CPS1: variants seen among roughly 807,000 people sequenced by gnomAD.
CPS1 encodes the protein carbamoyl-phosphate synthase 1.
A neutral mutation model predicts 174.6 loss-of-function variants in CPS1; 109 were observed. The observed-to-expected ratio is 0.62, with a 90% CI of 0.53 to 0.73. CPS1 has a LOEUF of 0.73. Among genes scored for constraint, CPS1 ranks in the 30% least tolerant of loss-of-function variants. The pLI, the probability that CPS1 is intolerant of heterozygous loss-of-function variation, is 0.00. For synonymous variants in CPS1, 637 were observed against 632.0 expected, an observed-to-expected ratio of 1.01 and a Z score of -0.12; for missense variants, 1,689 against 1,821.9, an observed-to-expected ratio of 0.93 and a Z score of 1.33.
chr2:210,531,462 G>A (rs1439287290), intron 1 of CPS1, among the ~76,000 whole-genome samples: 1 of 152,010 alleles, frequency 6.6e-6, no homozygotes, highest in East Asian at 1.9e-4. Context: ...AATCAATTGG[G>A]AACATTTTAA....
At chr2:210,602,464 A>G in intron 16 of CPS1, 134 bp downstream of exon 16, 2 of 1,145,036 alleles carry the variant, frequency 1.7e-6, no homozygotes, top group South Asian at 1.3e-5. Flanking sequence ...CCAAAAGCGT[A>G]TTCCAAAAGA....
chr2:210,520,994 G>A (rs538881893), intron 1 of CPS1, among the ~76,000 whole-genome samples: 56 of 152,136 alleles, frequency 3.7e-4, no homozygotes, highest in Middle Eastern at 3.4e-3. Context: ...TGCGGTGAGT[G>A]TATGTTAGGC....
chr2:210,513,765 G>T (rs1435381135), intron 1 of CPS1, among the ~76,000 whole-genome samples: 4 of 151,880 alleles, frequency 2.6e-5, no homozygotes, highest in Non-Finnish European at 4.4e-5. Flanking sequence ...CTTTCCCAAG[G>T]CCAATGTCCA....
intron 21 of CPS1, among the ~76,000 whole-genome samples, chr2:210,632,297 A>T (rs563721332): frequency 6.6e-6 from 1 of 152,252 alleles, no homozygotes; most frequent in Admixed American, 6.5e-5. Flanking sequence ...GAGTCTCCAC[A>T]TTGTTAAATG....
chr2:210,492,270 G>T (rs922108479), intron 1 of CPS1, among the ~76,000 whole-genome samples: 1 of 152,168 alleles, frequency 6.6e-6, no homozygotes, highest in East Asian at 1.9e-4. Flanking sequence ...TCTGCTTTAT[G>T]TACATATGAA....
At chr2:210,633,482 C>T (rs1699935168) in intron 21 of CPS1, among the ~76,000 whole-genome samples, 1 of 152,094 alleles carries the variant, frequency 6.6e-6, no homozygotes, top group Non-Finnish European at 1.5e-5. Flanking sequence ...TACATACATT[C>T]TGTTAGACTC....
Position 210,610,913 on chromosome 2 carries a change from G to A in CPS1, c.2392-1204G>A, listed in dbSNP as rs147454471. Among the ~76,000 whole-genome samples, 335 of 151,564 alleles carry A rather than the reference G, an allele frequency of 2.2e-3. 3 individuals carry two copies. In the Middle Eastern group the frequency reaches 0.058, roughly 26 times the overall value. On this transcript the variant is annotated intron_variant, in intron 19 of 37. Transcript: ENST00000233072. ...TAAGAATAATAAAAATATATGGAGA[G>A]TTACTTATAGAACTAATTTCAGATA...
intron 1 of CPS1, among the ~76,000 whole-genome samples, chr2:210,533,352 T>C (rs896270070): frequency 1.3e-5 from 2 of 152,204 alleles, no homozygotes; most frequent in African/African-American, 4.8e-5. Context: ...TGACACTATA[T>C]GCTAGACACC....
intron 1 of CPS1, among the ~76,000 whole-genome samples, chr2:210,520,233 A>T (rs567556478): frequency 2.6e-4 from 40 of 152,042 alleles, no homozygotes; most frequent in Non-Finnish European, 5.6e-4. Flanking sequence ...GCACTTTTGC[A>T]TATGTATACA....
chr2:210,578,618 T>C (rs1369583476), intron 4 of CPS1, among the ~76,000 whole-genome samples: 2 of 152,088 alleles, frequency 1.3e-5, no homozygotes, highest in Non-Finnish European at 2.9e-5. Context: ...GGGCTAAACA[T>C]TGCTGCTTTC....
chr2:210,554,007 A>C (rs1170924265), upstream of CPS1, among the ~76,000 whole-genome samples: 1 of 150,986 alleles, frequency 6.6e-6, no homozygotes, highest in Non-Finnish European at 1.5e-5. Flanking sequence ...CAAATTTTCC[A>C]AAATTTCTGC....
intron 1 of CPS1, among the ~76,000 whole-genome samples, chr2:210,520,898 G>C (rs1695806094): frequency 6.6e-6 from 1 of 151,958 alleles, no homozygotes; most frequent in Admixed American, 6.6e-5. Flanking sequence ...ACAAAATAAA[G>C]CTGCTAAGAG....
intron 28 of CPS1, among the ~76,000 whole-genome samples, chr2:210,652,356 C>T (rs1447341725): frequency 6.6e-6 from 1 of 152,184 alleles, no homozygotes; most frequent in East Asian, 1.9e-4. Flanking sequence ...CTGTAGTACA[C>T]AGAGTGAATT....
chr2:210,622,675 G>A (rs775047694), intron 21 of CPS1, among the ~76,000 whole-genome samples: 2 of 149,244 alleles, frequency 1.3e-5, no homozygotes. Context: ...TTGTGAGAAA[G>A]AACTATTTCA....
At chr2:210,513,930 T>A (rs186544308) in intron 1 of CPS1, among the ~76,000 whole-genome samples, 8 of 152,198 alleles carry the variant, frequency 5.3e-5, no homozygotes, top group Non-Finnish European at 1.0e-4. Flanking sequence ...CCAGGACAAT[T>A]TATTGAATAG....
At chr2:210,552,927 G>A (rs953764448), upstream of CPS1, among the ~76,000 whole-genome samples, 24 of 151,880 alleles carry the variant, frequency 1.6e-4, no homozygotes, top group Admixed American at 9.9e-4. Flanking sequence ...TTTCTACAGC[G>A]GAGCAAATAA....
intron 14 of CPS1, among the ~76,000 whole-genome samples, chr2:210,600,252 A>G (rs1051873718): frequency 6.6e-6 from 1 of 151,910 alleles, no homozygotes; most frequent in African/African-American, 2.4e-5. Flanking sequence ...ATAGAAATGG[A>G]CTTTAGGAGG....
At chr2:210,624,190 T>C (rs572832445) in intron 21 of CPS1, among the ~76,000 whole-genome samples, 3 of 152,266 alleles carry the variant, frequency 2.0e-5, no homozygotes, top group South Asian at 2.1e-4. Context: ...AATGGTCTTA[T>C]GTCTTCTCAT....
chr2:210,658,269 T>G (rs548843703), intron 30 of CPS1: 19 of 341,092 alleles, frequency 5.6e-5, no homozygotes, highest in African/African-American at 3.8e-4. Flanking sequence ...CTGCAGTTTC[T>G]GGTGCTAAGG....
Sources: allele counts gnomAD v4.1 joint callset (sites outside exome capture counted in the v4.1 genomes callset), GRCh38; gene constraint gnomAD v4.1.1; transcripts MANE v1.5; gene names NCBI Gene and HGNC (gene_info 2026-07-23, HGNC 2026-07-21).